The following TPM3 variants were observed in gnomAD, a reference collection of about 807,000 sequenced individuals.
TPM3 encodes the protein tropomyosin alpha-3 chain.
Under a neutral mutation model 43.1 loss-of-function variants are expected in TPM3, and 16 were observed. That is an observed-to-expected ratio of 0.37 (90% CI 0.25 to 0.56). The LOEUF (loss-of-function observed/expected upper bound fraction) is 0.56, where lower values mean the gene tolerates loss of function less well. Ranked by LOEUF, TPM3 falls within the 20% of genes least tolerant of loss-of-function variation. The pLI, the probability that TPM3 is intolerant of heterozygous loss-of-function variation, is 0.77. For synonymous variants in TPM3, 101 were observed against 116.9 expected (o/e 0.86, Z 0.88); for missense variants, 176 against 337.2 (o/e 0.52, Z 3.74).
At chr1:154,187,512 G>A (rs1239044329) in intron 2 of TPM3, 6 of 984,350 alleles carry the variant, frequency 6.1e-6, no homozygotes, top group African/African-American at 1.8e-5. Context: ...GGGTTTTGGT[G>A]GATTCCTATG....
downstream of TPM3, chr1:154,159,131 G>A: frequency 2.7e-6 from 2 of 751,732 alleles, no homozygotes; most frequent in Admixed American, 3.6e-5. Flanking sequence ...AAAGTTAGTA[G>A]AGTACCAGAA....
Position 154,167,163 on chromosome 1 carries a change from T to C in TPM3, c.*774A>G, listed in dbSNP as rs1661074299. On this transcript the variant is annotated 3_prime_UTR_variant, in exon 10 of 10. Coordinates refer to ENST00000651641, the MANE Select transcript of TPM3 (RefSeq NM_152263.4). ...ATTTATCACTTATCTTATATCCCAC[T>C]AGTCACACACTAGCAGGCAAATGGT... The C allele has an allele frequency of 3.5e-6, 1 of 283,370 alleles. No individual in the cohort carries two copies. Among genetic ancestry groups the C allele is most frequent in the East Asian group, 1.7e-4 (1 of 5,736 alleles). 17.6% of individuals were successfully genotyped at this position (283,370 alleles called of 1,614,324 possible).
intron 5 of TPM3, chr1:154,172,064 G>C: frequency 6.2e-7 from 1 of 1,614,142 alleles, no homozygotes; most frequent in Non-Finnish European, 8.5e-7. Flanking sequence ...TTCAGGTTCT[G>C]GTCCATCAGT....
At chr1:154,182,859 G>T (rs983527571) in intron 2 of TPM3, 2 of 1,442,834 alleles carry the variant, frequency 1.4e-6, no homozygotes, top group African/African-American at 1.4e-5. Context: ...CCCATCCTCC[G>T]AGATCCCAAC....
chr1:154,181,267 C>T (rs1034052070), intron 2 of TPM3, among the ~76,000 whole-genome samples: 19 of 152,134 alleles, frequency 1.2e-4, no homozygotes, highest in African/African-American at 3.4e-4. Flanking sequence ...GTGAGTATTC[C>T]AACAATCTTT....
Position 154,163,886 on chromosome 1 carries a change from G to A in TPM3, c.*4051C>T, listed in dbSNP as rs747943911. 2.0e-5 allele frequency among the ~76,000 whole-genome samples: 3 copies of A among 152,014 alleles called. No homozygotes were observed. The highest frequency in any genetic ancestry group is 4.4e-5 in the Non-Finnish European group (3 of 68,002). ...CTGACCTCGTGATCCGCCCACCTCGGCCTCCCAAAGTGCTGGGATTACAGG... is the reference window on the plus strand; with the variant it reads ...CTGACCTCGTGATCCGCCCACCTCGACCTCCCAAAGTGCTGGGATTACAGG... On this transcript the variant is annotated 3_prime_UTR_variant, in exon 10 of 10. Transcript: ENST00000651641.
At chr1:154,182,873 A>G (rs924103164) in intron 2 of TPM3, 1 of 1,540,238 alleles carries the variant, frequency 6.5e-7, no homozygotes, top group African/African-American at 1.4e-5. Flanking sequence ...TCCCAACTTC[A>G]TCTCCGAGCC....
At chr1:154,161,437 C>CTTT (rs966387714), downstream of TPM3, among the ~76,000 whole-genome samples, 226 of 113,406 alleles carry the variant, frequency 2.0e-3, 2 homozygotes, top group African/African-American at 7.3e-3. Context: ...TATCAGGATC[C>CTTT]TTTTTTTTTT....
chr1:154,187,434 T>G, intron 2 of TPM3: 1 of 984,692 alleles, frequency 1.0e-6, no homozygotes, highest in South Asian at 4.7e-5. Flanking sequence ...ACTTTCTGAC[T>G]TGGGAAAGCT....
intron 5 of TPM3, 167 bp from the exon 6 acceptor site, chr1:154,171,655 C>T (rs1413073479): frequency 2.6e-6 from 2 of 765,918 alleles, no homozygotes; most frequent in African/African-American, 1.7e-5. Flanking sequence ...ACCCTCCTCC[C>T]TCTACCATAG....
At chr1:154,158,856 T>C, downstream of TPM3, 4 of 728,702 alleles carry the variant, frequency 5.5e-6, no homozygotes, top group Non-Finnish European at 1.0e-5. Flanking sequence ...TAAAATGCAA[T>C]TTGCTCAGGG....
downstream of TPM3, among the ~76,000 whole-genome samples, chr1:154,161,400 T>C (rs1660347913): frequency 1.3e-5 from 2 of 151,572 alleles, no homozygotes; most frequent in African/African-American, 4.8e-5. Context: ...TTAGTTTGTG[T>C]GATTCTCACT....
downstream of TPM3, among the ~76,000 whole-genome samples, chr1:154,159,366 T>C (rs969414340): frequency 2.0e-5 from 3 of 152,118 alleles, no homozygotes; most frequent in Non-Finnish European, 4.4e-5. Context: ...ACAAGGGAAA[T>C]GGCAAAGGAA....
In TPM3 at chr1:154,176,652, G is replaced by GAAAAAAA. The variant is rs376095488; in HGVS notation, c.244-405_244-404insTTTTTTT. 7.5e-5 allele frequency among the ~76,000 whole-genome samples: 9 copies of GAAAAAAA among 119,398 alleles called. 1 individual carries two copies. The highest frequency in any genetic ancestry group is 2.9e-4 in the South Asian group (1 of 3,500). The allele number at this position is 119,398 out of a possible 152,430, so 78.3% of individuals were successfully genotyped here. The stretch of plus-strand genomic sequence containing the variant: ...AACCTTTCAAGTGTCTCATAAAGCA[G>GAAAAAAA]GAAAAAAAAAAAAAAAAAAGCAAGG... On this transcript the variant is annotated intron_variant, in intron 2 of 9. Transcript: ENST00000651641.
At chr1:154,171,828 G>A (rs900155296) in intron 5 of TPM3, 1 of 694,562 alleles carries the variant, frequency 1.4e-6, no homozygotes, top group Non-Finnish European at 2.5e-6. Flanking sequence ...AAAGGAAGGA[G>A]ACCCTGTGGA....
At chr1:154,177,505 A>G (rs1026030943) in intron 2 of TPM3, among the ~76,000 whole-genome samples, 2 of 152,166 alleles carry the variant, frequency 1.3e-5, no homozygotes, top group African/African-American at 4.8e-5. Context: ...AATGGTAGGA[A>G]AACCTCTTTC....
chr1:154,167,218 A>T lies in TPM3; in HGVS notation c.*719T>A. ...AGTCTCAAATATGTAAGAAAGGTTT[A>T]AAGAAGAAAAAGTAAAAAAACCGTC... On this transcript the variant is annotated 3_prime_UTR_variant, in exon 10 of 10. Transcript: ENST00000651641. The T allele has an allele frequency of 2.4e-6, 2 of 826,684 alleles. No homozygotes were observed. The highest frequency in any genetic ancestry group is 2.9e-6 in the Non-Finnish European group (2 of 685,498). 51.2% of individuals were successfully genotyped at this position (826,684 alleles called of 1,614,324 possible). A position where few individuals can be genotyped will look rare whatever the true frequency, so the allele number is the denominator to read the frequency against.
chr1:154,158,778 G>A (rs868628904), downstream of TPM3: 48 of 602,758 alleles, frequency 8.0e-5, no homozygotes, highest in Middle Eastern at 1.8e-3. Context: ...CTCTTCTAAA[G>A]GGACAGAAAC....
intron 2 of TPM3, 37 bp from the exon 3 acceptor site, chr1:154,176,285 G>A (rs944902992): frequency 2.5e-6 from 4 of 1,614,026 alleles, no homozygotes; most frequent in South Asian, 1.1e-5. Flanking sequence ...GGGAAGCAGA[G>A]GCATGGAGAA....
Sources: gnomAD v4.1 joint callset for allele counts (sites outside exome capture counted in the v4.1 genomes callset) on GRCh38, gnomAD v4.1.1 for gene constraint, MANE v1.5 for transcripts, NCBI Gene and HGNC (gene_info 2026-07-23, HGNC 2026-07-21) for gene names.